The following LIPA variants were observed in gnomAD, a reference collection of about 807,000 sequenced individuals.
LIPA encodes the protein lipase A, lysosomal acid type, also known as lysosomal acid lipase/cholesteryl ester hydrolase.
A neutral mutation model predicts 40.6 loss-of-function variants in LIPA; 26 were observed. That is an observed-to-expected ratio of 0.64 (90% CI 0.47 to 0.89). The LOEUF (loss-of-function observed/expected upper bound fraction) is 0.89, where lower values mean the gene tolerates loss of function less well. Ranked by LOEUF, LIPA falls within the 40% of genes least tolerant of loss-of-function variation. The pLI is 0.00. For synonymous variants in LIPA, 188 were observed against 168.4 expected, an observed-to-expected ratio of 1.12 and a Z score of -0.90; for missense variants, 455 against 479.6, an observed-to-expected ratio of 0.95 and a Z score of 0.48.
intron 1 of LIPA, among the ~76,000 whole-genome samples, chr10:89,295,020 T>TGAAAGGAAAGGAAACGAAAG (rs1843404488): frequency 9.4e-6 from 1 of 106,616 alleles, no homozygotes; most frequent in South Asian, 3.8e-4. Context: ...GGAAATGAAA[T>TGAAAGGAAAGGAAACGAAAG]GAAAGGAAAG....
At chr10:89,267,833 A>G (rs1055322292) in intron 1 of LIPA, among the ~76,000 whole-genome samples, 1 of 152,142 alleles carries the variant, frequency 6.6e-6, no homozygotes, top group African/African-American at 2.4e-5. Context: ...CCTGTCAACA[A>G]AACCCAACCA....
At chr10:89,368,118 A>T (rs1844072014) in intron 2 of LIPA, among the ~76,000 whole-genome samples, 1 of 152,168 alleles carries the variant, frequency 6.6e-6, no homozygotes, top group Non-Finnish European at 1.5e-5. Flanking sequence ...TCATTTTGAA[A>T]TGTCATTGAT....
At chr10:89,360,098 G>A (rs985970633) in intron 2 of LIPA, among the ~76,000 whole-genome samples, 1 of 152,106 alleles carries the variant, frequency 6.6e-6, no homozygotes, top group Admixed American at 6.5e-5. Flanking sequence ...CAGGTTCCCT[G>A]ACTCTCTGCT....
rs10540155 is a variant in LIPA, at chr10:89,331,858, C to CA, written c.-2+10752dup. ...TGGATGACAGAGTGAGATCCTGTCT[C>CA]AAAAAAAAAAAAAAAAAAAAAAAGT... On this transcript the variant is annotated intron_variant, in intron 1 of 5. Transcript: ENST00000282673. Among the ~76,000 whole-genome samples, 758 of 79,810 alleles carry CA rather than the reference C, an allele frequency of 9.5e-3. 7 individuals are homozygous for CA. Among genetic ancestry groups the CA allele is most frequent in the East Asian group, 0.045 (120 of 2,638 alleles). 52.4% of individuals were successfully genotyped at this position (79,810 alleles called of 152,430 possible).
At chr10:89,371,910 G>C (rs1043700527) in intron 2 of LIPA, among the ~76,000 whole-genome samples, 4 of 152,146 alleles carry the variant, frequency 2.6e-5, no homozygotes, top group Admixed American at 6.6e-5. Context: ...GCAGCAACAT[G>C]GATGGAGCTG....
Position 89,369,776 on chromosome 10 carries a change from G to A in LIPA, c.61+43015C>T, listed in dbSNP as rs560808183. 2.0e-5 allele frequency among the ~76,000 whole-genome samples: 3 copies of A among 152,274 alleles called. No individual in the cohort carries two copies. In the South Asian group the frequency reaches 6.2e-4, roughly 32 times the overall value. On this transcript the variant is annotated intron_variant, in intron 2 of 8. Transcript: ENST00000371837. ...AGATACTAGCACACAGATCTTTTGAGTTTTTTAAAAAGGAGATTCATCAGT... is the reference window on the plus strand; with the variant it reads ...AGATACTAGCACACAGATCTTTTGAATTTTTTAAAAAGGAGATTCATCAGT...
At chr10:89,394,208 C>T (rs1844300055) in intron 2 of LIPA, among the ~76,000 whole-genome samples, 1 of 152,046 alleles carries the variant, frequency 6.6e-6, no homozygotes, top group East Asian at 1.9e-4. Context: ...AATACAATGG[C>T]AAGTATTTGT....
intron 1 of LIPA, among the ~76,000 whole-genome samples, chr10:89,304,027 A>G (rs1843462515): frequency 6.6e-6 from 1 of 152,220 alleles, no homozygotes; most frequent in South Asian, 2.1e-4. Context: ...GGGTCACTAC[A>G]GTCCTACCCA....
At chr10:89,274,207 GATATAATTTA>G (rs1369424266) in intron 1 of LIPA, among the ~76,000 whole-genome samples, 1 of 152,152 alleles carries the variant, frequency 6.6e-6, no homozygotes, top group African/African-American at 2.4e-5. Flanking sequence ...TTTCCTGTGA[GATATAATTTA>G]ATTAAGTAAT....
At chr10:89,385,763 C>T (rs188456731) in intron 2 of LIPA, among the ~76,000 whole-genome samples, 6 of 152,296 alleles carry the variant, frequency 3.9e-5, no homozygotes, top group African/African-American at 1.4e-4. Flanking sequence ...CAGCTGCTGG[C>T]AATCACAAGG....
At chr10:89,250,982 C>T (rs1461222108) in intron 1 of LIPA, among the ~76,000 whole-genome samples, 1 of 152,112 alleles carries the variant, frequency 6.6e-6, no homozygotes, top group African/African-American at 2.4e-5. Flanking sequence ...CAAAGTGCCA[C>T]GTATATATTA....
intron 1 of LIPA, among the ~76,000 whole-genome samples, chr10:89,270,617 T>C (rs1843260713): frequency 6.6e-6 from 1 of 152,208 alleles, no homozygotes; most frequent in Admixed American, 6.5e-5. Flanking sequence ...GGTCAACATA[T>C]ACCTCATTTG....
In LIPA at chr10:89,306,785, A is replaced by C. The variant is rs774366317; in HGVS notation, c.-2+35826T>G. ...ACTGCTTAAAAAGGCTTTAGAATAC[A>C]TACCAAACAATGCCTACCTGCATTG... On this transcript the variant is annotated intron_variant, in intron 1 of 5. Coordinates refer to the LIPA transcript ENST00000282673. 5 of 1,614,176 alleles carry C rather than the reference A, an allele frequency of 3.1e-6. No homozygotes were observed. In the Admixed American group the frequency reaches 8.3e-5, roughly 27 times the overall value.
intron 2 of LIPA, chr10:89,384,098 G>C: frequency 6.2e-7 from 1 of 1,614,138 alleles, no homozygotes; most frequent in East Asian, 2.2e-5. Flanking sequence ...AAGTTTTATC[G>C]AAGAAAAGGG....
At chr10:89,408,043 C>T (rs568670477) in intron 2 of LIPA, among the ~76,000 whole-genome samples, 195 of 151,446 alleles carry the variant, frequency 1.3e-3, no homozygotes, top group African/African-American at 4.3e-3. Context: ...GAGACCATTG[C>T]GGGTTCTTGG....
At chr10:89,247,293 G>C (rs1339674202) in intron 2 of LIPA, among the ~76,000 whole-genome samples, 2 of 144,126 alleles carry the variant, frequency 1.4e-5, no homozygotes, top group Non-Finnish European at 3.0e-5. Context: ...AATCACTTGA[G>C]CCCCTGAGGC....
At chr10:89,384,440 T>C (rs533495083) in intron 2 of LIPA, 5 of 1,614,060 alleles carry the variant, frequency 3.1e-6, no homozygotes, top group Non-Finnish European at 4.2e-6. Context: ...GAAGATCAGC[T>C]AAAGCAAGAG....
At chr10:89,239,611 G>A (rs538530402) in intron 3 of LIPA, among the ~76,000 whole-genome samples, 3 of 152,292 alleles carry the variant, frequency 2.0e-5, no homozygotes, top group African/African-American at 7.2e-5. Flanking sequence ...GAAGAAAACC[G>A]TTCCATGCCT....
intron 1 of LIPA, chr10:89,328,192 G>A: frequency 2.9e-6 from 3 of 1,029,108 alleles, no homozygotes; most frequent in Non-Finnish European, 4.5e-6. Context: ...GATTCAATAT[G>A]TCTTTATCAG....
Sources: gnomAD v4.1 joint callset for allele counts (sites outside exome capture counted in the v4.1 genomes callset) on GRCh38, gnomAD v4.1.1 for gene constraint, MANE v1.5 for transcripts, NCBI Gene and HGNC (gene_info 2026-07-23, HGNC 2026-07-21) for gene names.